The following NCOR2 variants were observed in gnomAD, a reference collection of about 807,000 sequenced individuals.
The protein encoded by NCOR2 is CTG repeat protein 26.
In NCOR2, 81 loss-of-function variants were observed where a neutral mutation model predicts 262.9. That is an observed-to-expected ratio of 0.31 (90% CI 0.26 to 0.37). NCOR2 has a LOEUF of 0.37. Among genes scored for constraint, NCOR2 ranks in the 10% least tolerant of loss-of-function variants. NCOR2 has a pLI of 1.00. For synonymous variants in NCOR2, 1,659 were observed against 1,559.3 expected (o/e 1.06, Z -1.51); for missense variants, 3,385 against 3,621.4 (o/e 0.93, Z 1.68).
At chr12:124,535,917 G>A (rs2051100229), upstream of NCOR2, among the ~76,000 whole-genome samples, 1 of 152,086 alleles carries the variant, frequency 6.6e-6, no homozygotes, top group African/African-American at 2.4e-5. Flanking sequence ...AGACCACCGA[G>A]GGGCCCCGGG....
At chr12:124,373,255 ACCC>A (rs2039650810) in intron 19 of NCOR2, among the ~76,000 whole-genome samples, 1 of 90,092 alleles carries the variant, frequency 1.1e-5, no homozygotes, top group Non-Finnish European at 2.3e-5. Context: ...TGTGCAGGGG[ACCC>A]GGGCACAGTG....
intron 5 of NCOR2, among the ~76,000 whole-genome samples, chr12:124,461,716 C>T (rs982340718): frequency 2.0e-5 from 3 of 152,272 alleles, no homozygotes; most frequent in African/African-American, 7.2e-5. Context: ...CCTGTACACA[C>T]ATGCACACAG....
chr12:124,339,815 G>C, intron 37 of NCOR2, among the ~76,000 whole-genome samples, 191 bp downstream of exon 39: 1 of 120,978 alleles, frequency 8.3e-6, no homozygotes, highest in Non-Finnish European at 1.7e-5. Context: ...ACTTCCCACT[G>C]ACCCACACAC....
intron 7 of NCOR2, among the ~76,000 whole-genome samples, chr12:124,439,424 GAGAGA>G (rs2044682664): frequency 1.4e-3 from 24 of 17,484 alleles, no homozygotes; most frequent in East Asian, 2.2e-3. Context: ...CAGAGAGAGA[GAGAGA>G]GAGACAGAGA....
At position 124,481,081 on chromosome 12, in the gene NCOR2, C is replaced by A. The variant is rs1015990322; in HGVS notation, c.411+2515G>T. ...CCAGGGGATGAGCAGGGAGAGATGGCAGGAGCTGAGGAAGCAGGGGGTGAA... is the reference window on the plus strand; with the variant it reads ...CCAGGGGATGAGCAGGGAGAGATGGAAGGAGCTGAGGAAGCAGGGGGTGAA... On this transcript the variant is annotated intron_variant, in intron 3 of 46. Transcript: ENST00000405201. This position sits in a 1 kb window ranked among gnomAD's most constrained non-coding sequence, Gnocchi z 4.6. 2.4e-4 allele frequency among the ~76,000 whole-genome samples: 35 copies of A among 143,302 alleles called. No homozygotes were observed. The highest frequency in any genetic ancestry group is 7.1e-5 in the Admixed American group (1 of 14,056). 94.0% of individuals were successfully genotyped at this position (143,302 alleles called of 152,430 possible). A position where few individuals can be genotyped will look rare whatever the true frequency, so the allele number is the denominator to read the frequency against.
chr12:124,327,769 G>A (rs2034813407), intron 44 of NCOR2, 136 bp from the exon 47 acceptor site: 2 of 633,256 alleles, frequency 3.2e-6, no homozygotes. Flanking sequence ...TACACAGTGA[G>A]CACATTTCGG....
chr12:124,521,560 C>A lies in NCOR2; in HGVS notation c.-118+14005G>T, dbSNP rs1056212998. 2.0e-5 allele frequency among the ~76,000 whole-genome samples: 3 copies of A among 152,226 alleles called. No homozygotes were observed. The East Asian group carries it at 5.8e-4, about 29-fold the overall frequency. On this transcript the variant is annotated intron_variant, in intron 1 of 46. Coordinates refer to the NCOR2 transcript ENST00000404621. ...GAGAAATACCCAAAATAGGTAAGTCCACAGAGGCAGAAGGCAGATTGGTAG... is the reference window on the plus strand; with the variant it reads ...GAGAAATACCCAAAATAGGTAAGTCAACAGAGGCAGAAGGCAGATTGGTAG...
At chr12:124,333,302 A>T in intron 41 of NCOR2, 23 bp from the exon 44 acceptor site, 1 of 1,577,928 alleles carries the variant, frequency 6.3e-7, no homozygotes, top group Non-Finnish European at 8.6e-7. Context: ...AGGGCCCCAG[A>T]TGTGGTCAGA....
chr12:124,326,007 A>G, intron 46 of NCOR2, 184 bp downstream of exon 48: 1 of 615,832 alleles, frequency 1.6e-6, no homozygotes, highest in African/African-American at 1.9e-5. Context: ...TGCCCCTGGC[A>G]GAAGCATCCT....
At chr12:124,509,908 T>G (rs1054354922) in intron 1 of NCOR2, among the ~76,000 whole-genome samples, 1 of 150,754 alleles carries the variant, frequency 6.6e-6, no homozygotes, top group Non-Finnish European at 1.5e-5. Context: ...GGACCTCGGT[T>G]TCCGGAGGAA....
intron 16 of NCOR2, among the ~76,000 whole-genome samples, chr12:124,386,685 T>A (rs1208560628): frequency 6.6e-6 from 1 of 152,160 alleles, no homozygotes; most frequent in African/African-American, 2.4e-5. Flanking sequence ...AACCAGAGCA[T>A]GCCGCCCCCC....
In NCOR2 at chr12:124,566,064, A is replaced by C. The variant is rs968395392; in HGVS notation, c.-165+1244T>G. Reference sequence around the variant, plus strand: ...GCAAAGTCAAGGCCACCGGTAACACATCCCAACGCGCCCAGAACTCCCCCA... The same window carrying C: ...GCAAAGTCAAGGCCACCGGTAACACCTCCCAACGCGCCCAGAACTCCCCCA... On this transcript the variant is annotated intron_variant, in intron 1 of 32. Coordinates refer to the NCOR2 transcript ENST00000458234. This position sits in a 1 kb window ranked among gnomAD's most constrained non-coding sequence, Gnocchi z 4.3. Among the ~76,000 whole-genome samples the C allele has an allele frequency of 6.6e-5, 10 of 152,110 alleles. No homozygotes were observed. The highest frequency in any genetic ancestry group is 1.5e-4 in the Non-Finnish European group (10 of 68,032).
intron 1 of NCOR2, among the ~76,000 whole-genome samples, chr12:124,492,328 G>A (rs1326624245): frequency 1.3e-5 from 2 of 152,214 alleles, no homozygotes; most frequent in Admixed American, 6.5e-5. Flanking sequence ...GCCGTTCCAC[G>A]TGGCTGTGAG....
rs149305295 is a variant in NCOR2 at position 124,503,036 on chromosome 12, C to T, written c.-117-7668G>A. 1.2e-3 allele frequency among the ~76,000 whole-genome samples: 179 copies of T among 152,328 alleles called. 1 individual carries two copies. The highest frequency in any genetic ancestry group is 3.8e-3 in the African/African-American group (159 of 41,572). ...AACCCCAGCCTGTCGTTGGCTCTGCCGGAGGGGCTGAGGGTCAAATACTAA... is the reference window on the plus strand; with the variant it reads ...AACCCCAGCCTGTCGTTGGCTCTGCTGGAGGGGCTGAGGGTCAAATACTAA... On this transcript the variant is annotated intron_variant, in intron 1 of 46. Coordinates refer to the NCOR2 transcript ENST00000404621. The surrounding 1 kb of genome is among the most constrained non-coding windows in gnomAD (Gnocchi z 4.3).
intron 1 of NCOR2, among the ~76,000 whole-genome samples, chr12:124,505,115 C>T (rs2048973594): frequency 6.6e-6 from 1 of 152,060 alleles, no homozygotes; most frequent in African/African-American, 2.4e-5. Flanking sequence ...GCTATCTACA[C>T]CAGATAGGCT....
chr12:124,474,879 C>T (rs2047017605), intron 3 of NCOR2, among the ~76,000 whole-genome samples: 1 of 152,136 alleles, frequency 6.6e-6, no homozygotes, highest in Non-Finnish European at 1.5e-5. Flanking sequence ...CAGGCCACCA[C>T]CTCCCCGCCC....
intron 1 of NCOR2, among the ~76,000 whole-genome samples, chr12:124,554,112 G>A (rs2051806296): frequency 6.6e-6 from 1 of 152,246 alleles, no homozygotes; most frequent in Admixed American, 6.5e-5. Flanking sequence ...ACATAATGGC[G>A]TGAGCAGCGT....
intron 1 of NCOR2, among the ~76,000 whole-genome samples, chr12:124,529,179 C>CAAAAAAAAAAA: frequency 1.9e-5 from 1 of 52,176 alleles, no homozygotes; most frequent in African/African-American, 8.0e-5. Context: ...AACTCCGACT[C>CAAAAAAAAAAA]AAAAAAAAAA....
chr12:124,550,541 A>C (rs1428095277), intron 1 of NCOR2, among the ~76,000 whole-genome samples: 1 of 152,052 alleles, frequency 6.6e-6, no homozygotes, highest in East Asian at 1.9e-4. Context: ...GTTCCTTTTC[A>C]TCAGAAACTA....
Sources: allele counts gnomAD v4.1 joint callset (sites outside exome capture counted in the v4.1 genomes callset), GRCh38; gene constraint gnomAD v4.1.1; non-coding constraint Gnocchi (gnomAD v3.1); transcripts MANE v1.5; gene names NCBI Gene and HGNC (gene_info 2026-07-23, HGNC 2026-07-21).